ZNF821: variants seen among roughly 807,000 people sequenced by gnomAD.
ZNF821 encodes zinc finger protein 821.
In ZNF821, 16 loss-of-function variants were observed where a neutral mutation model predicts 44.3. That is an observed-to-expected ratio of 0.36 (90% CI 0.24 to 0.55). ZNF821 has a LOEUF of 0.55. Among genes scored for constraint, ZNF821 ranks in the 20% least tolerant of loss-of-function variants. The pLI is 0.86. For missense variants in ZNF821, 436 were observed against 547.6 expected (o/e 0.80, Z 2.03); for synonymous variants, 204 against 197.6 (o/e 1.03, Z -0.27).
At chr16:71,883,755 G>C (rs1412745737) in intron 1 of ZNF821, among the ~76,000 whole-genome samples, 153 bp downstream of exon 1, 1 of 152,112 alleles carries the variant, frequency 6.6e-6, no homozygotes, top group Non-Finnish European at 1.5e-5. Context: ...GTTGGAAGCG[G>C]GGAGGGTGAG....
Position 71,860,840 on chromosome 16 carries a change from G to T in ZNF821, c.585-168C>A, listed in dbSNP as rs1381533989. Among the ~76,000 whole-genome samples, 1 of 148,488 alleles carries T rather than the reference G, an allele frequency of 6.7e-6. No homozygotes were observed. On this transcript the variant is annotated intron_variant, in intron 7 of 7. Transcript: ENST00000425432. This position sits in a 1 kb window ranked among gnomAD's most constrained non-coding sequence, Gnocchi z 7.3. ...GCTGCTCCATCCCTTCTCTTCGCGT[G>T]AGAGTTGTCTACCAACTTTTTTTTT...
chr16:71,887,253 T>A (rs2036863405), upstream of ZNF821, among the ~76,000 whole-genome samples: 1 of 135,830 alleles, frequency 7.4e-6, no homozygotes, highest in African/African-American at 2.8e-5. Context: ...TAACTCTATA[T>A]TCAACCTTTT....
At chr16:71,869,045 G>A (rs887835806) in intron 3 of ZNF821, among the ~76,000 whole-genome samples, 1 of 152,054 alleles carries the variant, frequency 6.6e-6, no homozygotes, top group Non-Finnish European at 1.5e-5. Flanking sequence ...ACTCTGCTTG[G>A]GATCCATGAG....
chr16:71,865,130 A>G, intron 4 of ZNF821, 82 bp from the exon 5 acceptor site: 13 of 1,521,388 alleles, frequency 8.5e-6, no homozygotes, highest in Non-Finnish European at 1.2e-5. Context: ...GTTGGCAGTT[A>G]CAATAGAAAA....
upstream of ZNF821, among the ~76,000 whole-genome samples, chr16:71,887,325 T>A (rs1245931537): frequency 1.4e-5 from 2 of 147,972 alleles, no homozygotes; most frequent in South Asian, 4.2e-4. Context: ...AGTGGCGCGA[T>A]CTCGGCTCAT....
At chr16:71,877,892 C>G (rs987346661) in intron 3 of ZNF821, among the ~76,000 whole-genome samples, 1 of 149,380 alleles carries the variant, frequency 6.7e-6, no homozygotes, top group African/African-American at 2.5e-5. Context: ...TGCACTCCAG[C>G]CTGGGCAACA....
At chr16:71,879,773 C>T (rs540451516) in intron 3 of ZNF821, 134 bp downstream of exon 3, 3 of 841,450 alleles carry the variant, frequency 3.6e-6, no homozygotes, top group East Asian at 2.7e-5. Context: ...TTCTCTTCTG[C>T]TCAGCAAACT....
At chr16:71,891,475 C>T (rs1263503013) in intron 1 of ZNF821, 1 of 152,156 alleles carries the variant, frequency 6.6e-6, no homozygotes, top group Non-Finnish European at 1.5e-5. Context: ...TGATATATTA[C>T]AGGATCTAAA....
chr16:71,867,485 G>A (rs982699526), intron 4 of ZNF821, among the ~76,000 whole-genome samples: 1 of 152,014 alleles, frequency 6.6e-6, no homozygotes, highest in African/African-American at 2.4e-5. Context: ...TCAGGAGTTC[G>A]ATACCAGCCT....
chr16:71,863,973 C>T (rs2034235300), intron 6 of ZNF821, among the ~76,000 whole-genome samples, 165 bp downstream of exon 6: 1 of 152,240 alleles, frequency 6.6e-6, no homozygotes, highest in Admixed American at 6.5e-5. Context: ...GCTGGGATTA[C>T]AGGCGTGAGC....
intron 3 of ZNF821, among the ~76,000 whole-genome samples, chr16:71,873,747 A>G (rs1272864720): frequency 6.6e-6 from 1 of 151,978 alleles, no homozygotes; most frequent in Non-Finnish European, 1.5e-5. Context: ...TTGGACTCCC[A>G]GGCTCAAACA....
At chr16:71,894,565 G>T (rs2036926999) in intron 1 of ZNF821, 15 of 306,406 alleles carry the variant, frequency 4.9e-5, no homozygotes, top group East Asian at 1.4e-4. Context: ...TTTTTCTGTA[G>T]CCTAGGCTGG....
At chr16:71,891,743 C>T (rs541472094) in intron 1 of ZNF821, among the ~76,000 whole-genome samples, 2 of 152,218 alleles carry the variant, frequency 1.3e-5, no homozygotes, top group African/African-American at 4.8e-5. Context: ...AGCGTGGTGT[C>T]CCACGCCTTT....
At chr16:71,894,698 CTTT>C (rs35889170) in intron 1 of ZNF821, 1,121 of 440,816 alleles carry the variant, frequency 2.5e-3, no homozygotes, top group Middle Eastern at 3.4e-3. Flanking sequence ...TAATTTTTAA[CTTT>C]TTTTTTTTTT....
At chr16:71,893,685 C>A (rs2036908452) in intron 1 of ZNF821, among the ~76,000 whole-genome samples, 1 of 151,252 alleles carries the variant, frequency 6.6e-6, no homozygotes, top group South Asian at 2.1e-4. Flanking sequence ...TCTTGAACTT[C>A]TTACCTCAGG....
intron 1 of ZNF821, among the ~76,000 whole-genome samples, chr16:71,892,733 G>C (rs1459613687): frequency 7.3e-6 from 1 of 136,446 alleles, no homozygotes; most frequent in African/African-American, 3.2e-5. Context: ...CACAAACCAG[G>C]CTTTTTTTTT....
intron 6 of ZNF821, among the ~76,000 whole-genome samples, chr16:71,862,788 G>C (rs2034052949): frequency 6.6e-6 from 1 of 152,150 alleles, no homozygotes; most frequent in Non-Finnish European, 1.5e-5. Context: ...TGTCAACACC[G>C]ACCAGGAGGT....
upstream of ZNF821, among the ~76,000 whole-genome samples, chr16:71,887,832 T>G (rs960050956): frequency 3.3e-5 from 5 of 152,124 alleles, no homozygotes; most frequent in Non-Finnish European, 5.9e-5. Flanking sequence ...TTCAAATCCT[T>G]TGCCTATTTT....
At chr16:71,868,393 G>A (rs1344431602) in intron 3 of ZNF821, among the ~76,000 whole-genome samples, 1 of 152,180 alleles carries the variant, frequency 6.6e-6, no homozygotes, top group Non-Finnish European at 1.5e-5. Flanking sequence ...AAAGTGATGG[G>A]ATGAAGACAG....
Sources: allele counts gnomAD v4.1 joint callset (sites outside exome capture counted in the v4.1 genomes callset), GRCh38; gene constraint gnomAD v4.1.1; non-coding constraint Gnocchi (gnomAD v3.1); transcripts MANE v1.5; gene names NCBI Gene and HGNC (gene_info 2026-07-23, HGNC 2026-07-21).